LIMS1: variants seen among roughly 807,000 people sequenced by gnomAD.
The protein encoded by LIMS1 is LIM zinc finger domain containing 1.
A neutral mutation model predicts 44.1 loss-of-function variants in LIMS1; 18 were observed. The ratio of observed to expected loss-of-function variants is 0.41; its 90% CI spans 0.28 to 0.61. LIMS1 has a LOEUF of 0.61. LIMS1 is among the 20% of genes least tolerant of loss of function. The pLI is 0.32. For synonymous variants in LIMS1, 93 were observed against 149.1 expected (o/e 0.62, Z 2.74); for missense variants, 201 against 422.0 (o/e 0.48, Z 4.59).
intron 1 of LIMS1, among the ~76,000 whole-genome samples, chr2:108,564,384 G>A (rs1558789307): frequency 2.0e-5 from 3 of 152,210 alleles, no homozygotes; most frequent in South Asian, 2.1e-4. Flanking sequence ...CTTGTGACTC[G>A]CTTTATTGTG....
rs1162196295 is a variant in LIMS1 at position 108,683,481 on chromosome 2, G to T, written c.900-404G>T. On this transcript the variant is annotated intron_variant, in intron 9 of 9. Transcript: ENST00000544547. ...GGCTTGAGTCCAGGAGTTAGAGGCTGCAGGGAGCTGTGATCACCACTGCAC... is the reference window on the plus strand; with the variant it reads ...GGCTTGAGTCCAGGAGTTAGAGGCTTCAGGGAGCTGTGATCACCACTGCAC... 7.5e-5 allele frequency among the ~76,000 whole-genome samples: 11 copies of T among 146,768 alleles called. No individual in the cohort carries two copies. The East Asian group carries it at 2.2e-3, about 30-fold the overall frequency.
At chr2:108,684,727 A>G (rs1693218117) in exon 10 of LIMS1, 1 of 152,098 alleles carries the variant, frequency 6.6e-6, no homozygotes, top group African/African-American at 2.4e-5. Context: ...ATACTTTACA[A>G]TATTGGAAAA....
intron 1 of LIMS1, among the ~76,000 whole-genome samples, chr2:108,583,748 G>A (rs1685986000): frequency 7.1e-6 from 1 of 141,540 alleles, no homozygotes; most frequent in Admixed American, 7.7e-5. Context: ...AGGCTGGAGT[G>A]CAGTGGTGTG....
intron 1 of LIMS1, among the ~76,000 whole-genome samples, chr2:108,570,200 G>A (rs1685436930): frequency 1.3e-5 from 2 of 152,258 alleles, no homozygotes; most frequent in South Asian, 4.1e-4. Context: ...GGAGGCCAAG[G>A]CGGACAGATC....
intron 1 of LIMS1, among the ~76,000 whole-genome samples, chr2:108,581,494 C>T (rs1685883558): frequency 6.6e-6 from 1 of 152,218 alleles, no homozygotes; most frequent in South Asian, 2.1e-4. Flanking sequence ...TTGCTTCTTA[C>T]TCAAATAAAC....
At chr2:108,575,875 C>A (rs762048323) in intron 1 of LIMS1, among the ~76,000 whole-genome samples, 2 of 151,974 alleles carry the variant, frequency 1.3e-5, no homozygotes, top group Non-Finnish European at 2.9e-5. Flanking sequence ...TATTTTGTAG[C>A]CAAAACCAAA....
At chr2:108,594,425 A>G (rs1270057721) in intron 1 of LIMS1, among the ~76,000 whole-genome samples, 1 of 152,220 alleles carries the variant, frequency 6.6e-6, no homozygotes, top group Non-Finnish European at 1.5e-5. Flanking sequence ...TTGTGTTCTC[A>G]GTCCTTACCA....
chr2:108,550,025 T>C (rs915550053), intron 1 of LIMS1, among the ~76,000 whole-genome samples: 1 of 152,258 alleles, frequency 6.6e-6, no homozygotes, highest in Middle Eastern at 3.4e-3. Context: ...CCTGATGATA[T>C]CCTAGAGTTT....
chr2:108,607,446 A>G (rs1260734568), intron 1 of LIMS1, among the ~76,000 whole-genome samples: 1 of 152,154 alleles, frequency 6.6e-6, no homozygotes, highest in Non-Finnish European at 1.5e-5. Flanking sequence ...ATTTTTAGGT[A>G]TTTCTCTCTA....
At chr2:108,624,283 C>T (rs567522724) in intron 1 of LIMS1, among the ~76,000 whole-genome samples, 29 of 152,330 alleles carry the variant, frequency 1.9e-4, no homozygotes, top group African/African-American at 6.7e-4. Flanking sequence ...AATTATGTTG[C>T]ATTCAAACAT....
chr2:108,548,684 G>A (rs1684572330), intron 1 of LIMS1, among the ~76,000 whole-genome samples: 1 of 152,148 alleles, frequency 6.6e-6, no homozygotes, highest in Non-Finnish European at 1.5e-5. Context: ...AGCCCCCCTG[G>A]CAAAGGGTCA....
intron 8 of LIMS1, among the ~76,000 whole-genome samples, chr2:108,680,356 A>T (rs1479378976): frequency 7.9e-6 from 1 of 125,890 alleles, no homozygotes; most frequent in East Asian, 2.2e-4. Context: ...ACAGAGCGAG[A>T]TTCCGTCTCA....
At chr2:108,633,706 T>C (rs1689058312) in intron 1 of LIMS1, among the ~76,000 whole-genome samples, 2 of 152,236 alleles carry the variant, frequency 1.3e-5, no homozygotes, top group Admixed American at 1.3e-4. Context: ...CCCAGAGTCA[T>C]ACAAGTGCAT....
chr2:108,611,651 G>A (rs1205594926), intron 1 of LIMS1, among the ~76,000 whole-genome samples: 2 of 151,904 alleles, frequency 1.3e-5, no homozygotes, highest in African/African-American at 4.8e-5. Context: ...AGGCCGGGGC[G>A]TGGGGATCGC....
In LIMS1 at chr2:108,637,099, A is replaced by ATATG. The variant is rs372431532; in HGVS notation, c.33-22505_33-22504insATGT. 3.3e-3 allele frequency among the ~76,000 whole-genome samples: 323 copies of ATATG among 98,602 alleles called. 3 individuals are homozygous for ATATG. The highest frequency in any genetic ancestry group is 7.4e-3 in the African/African-American group (229 of 30,882). The allele number at this position is 98,602 out of a possible 152,430, so 64.7% of individuals were successfully genotyped here. A position where few individuals can be genotyped will look rare whatever the true frequency, so the allele number is the denominator to read the frequency against. On this transcript the variant is annotated intron_variant, in intron 1 of 9. Transcript: ENST00000544547. ...TTTAAATTCAGCAAAATATACATAT[A>ATATG]TGTGTGTGTGTGTGTGTGTGTGTGT... is the stretch of plus-strand genomic sequence containing the variant.
At chr2:108,681,329 A>G in intron 9 of LIMS1, 1 of 984,912 alleles carries the variant, frequency 1.0e-6, no homozygotes, top group Non-Finnish European at 1.2e-6. Flanking sequence ...TTAAATGAAT[A>G]CACTCCATAC....
At chr2:108,603,963 A>AT (rs1687144685) in intron 1 of LIMS1, among the ~76,000 whole-genome samples, 1 of 152,088 alleles carries the variant, frequency 6.6e-6, no homozygotes, top group East Asian at 1.9e-4. Flanking sequence ...TGATGTAGAC[A>AT]TTTAGAGCTA....
At chr2:108,555,675 A>G (rs1215047282) in intron 1 of LIMS1, among the ~76,000 whole-genome samples, 2 of 152,206 alleles carry the variant, frequency 1.3e-5, no homozygotes. Flanking sequence ...CACTGTTCAC[A>G]TGAAAGTTGG....
intron 1 of LIMS1, among the ~76,000 whole-genome samples, chr2:108,630,192 C>CAA (rs59941456): frequency 1.5e-4 from 16 of 103,858 alleles, no homozygotes; most frequent in African/African-American, 4.1e-4. Flanking sequence ...GACCCTGTCT[C>CAA]AAAAAAAAAA....
Sources: gnomAD v4.1 joint callset for allele counts (sites outside exome capture counted in the v4.1 genomes callset) on GRCh38, gnomAD v4.1.1 for gene constraint, MANE v1.5 for transcripts, NCBI Gene and HGNC (gene_info 2026-07-23, HGNC 2026-07-21) for gene names.